The following DST variants were observed in gnomAD, a reference collection of about 807,000 sequenced individuals.
DST encodes dystonin, also known as bullous pemphigoid antigen.
DST carries 253 observed loss-of-function variants against 875.2 expected under a neutral mutation model. The observed-to-expected ratio is 0.29, with a 90% CI of 0.26 to 0.32. The LOEUF is 0.32. DST is among the 10% of genes least tolerant of loss of function. The pLI, the probability that DST is intolerant of heterozygous loss-of-function variation, is 1.00. For missense variants in DST, 8,287 were observed against 9,111.6 expected (o/e 0.91, Z 3.68); for synonymous variants, 3,124 against 3,197.1 (o/e 0.98, Z 0.77).
At chr6:56,917,771 A>T (rs919381261) in intron 2 of DST, among the ~76,000 whole-genome samples, 1 of 152,134 alleles carries the variant, frequency 6.6e-6, no homozygotes, top group South Asian at 2.1e-4. Context: ...CTTCTTTTTC[A>T]TCTTTGTGTC....
At chr6:56,517,433 G>C in intron 70 of DST, 68 bp downstream of exon 70, 1 of 1,597,150 alleles carries the variant, frequency 6.3e-7, no homozygotes, top group South Asian at 1.1e-5. Flanking sequence ...AATCATACAA[G>C]CACATTTTAT....
chr6:56,738,653 G>A (rs1301271081), intron 4 of DST, among the ~76,000 whole-genome samples: 2 of 151,576 alleles, frequency 1.3e-5, no homozygotes, highest in East Asian at 3.9e-4. Flanking sequence ...AGACAGTCTC[G>A]CTCTGTTGCC....
chr6:56,934,560 T>TTATATTATA (rs1554267211), intron 2 of DST, among the ~76,000 whole-genome samples: 100 of 106,478 alleles, frequency 9.4e-4, no homozygotes, highest in African/African-American at 3.5e-3. Context: ...ATATATTATA[T>TTATATTATA]TATATATATA....
At chr6:56,581,312 A>G (rs756621417) in intron 49 of DST, among the ~76,000 whole-genome samples, 1 of 152,078 alleles carries the variant, frequency 6.6e-6, no homozygotes, top group Admixed American at 6.6e-5. Context: ...ATATTTATAT[A>G]TAAGTGATGG....
At chr6:56,527,444 C>T in intron 68 of DST, 49 bp downstream of exon 68, 1 of 1,582,146 alleles carries the variant, frequency 6.3e-7, no homozygotes, top group Non-Finnish European at 8.6e-7. Context: ...GTGAATAAGA[C>T]TGCCTAAAAG....
chr6:56,554,529 T>C (rs1005611424), intron 60 of DST, among the ~76,000 whole-genome samples: 10 of 152,202 alleles, frequency 6.6e-5, no homozygotes, highest in African/African-American at 2.4e-4. Flanking sequence ...CCACTGTAAA[T>C]TGACAATATT....
At chr6:56,495,110 TA>T (rs1243347775) in intron 82 of DST, among the ~76,000 whole-genome samples, 2 of 151,922 alleles carry the variant, frequency 1.3e-5, no homozygotes, top group Admixed American at 6.6e-5. Flanking sequence ...TCTTAAGCTT[TA>T]AAAAAAGCCC....
intron 55 of DST, among the ~76,000 whole-genome samples, chr6:56,567,771 C>G (rs575943663): frequency 5.3e-5 from 8 of 151,976 alleles, no homozygotes; most frequent in Admixed American, 5.2e-4. Context: ...ACTCAGAACT[C>G]TCAGAAAAAA....
chr6:56,617,489 C>G (rs1420224829), intron 36 of DST: 1 of 1,332,698 alleles, frequency 7.5e-7, no homozygotes, highest in Admixed American at 1.7e-5. Context: ...ATTCTCAATC[C>G]AAACATAATT....
chr6:56,858,580 T>C lies in DST; in HGVS notation c.418-6976A>G, dbSNP rs576207577. 1.3e-3 allele frequency among the ~76,000 whole-genome samples: 195 copies of C among 152,354 alleles called. 1 individual carries two copies. The highest frequency in any genetic ancestry group is 2.1e-3 in the Non-Finnish European group (140 of 68,034). ...TGTGTATATATGCCACATTCATTCA[T>C]TCAACTGCTAATGAACACTAAGGTT... On this transcript the variant is annotated intron_variant, in intron 3 of 103. Transcript: ENST00000680361.
chr6:56,637,456 T>C (rs2098836714), intron 22 of DST, among the ~76,000 whole-genome samples: 1 of 152,218 alleles, frequency 6.6e-6, no homozygotes, highest in Non-Finnish European at 1.5e-5. Flanking sequence ...TTTACGGTGC[T>C]AGATCATAAA....
intron 49 of DST, among the ~76,000 whole-genome samples, chr6:56,585,270 G>A (rs1414939297): frequency 6.6e-6 from 1 of 152,178 alleles, no homozygotes; most frequent in Admixed American, 6.5e-5. Flanking sequence ...CACAATTTCA[G>A]AGCCTGTTAT....
At chr6:56,775,724 C>T (rs1010289069) in intron 4 of DST, among the ~76,000 whole-genome samples, 1 of 152,198 alleles carries the variant, frequency 6.6e-6, no homozygotes, top group Non-Finnish European at 1.5e-5. Flanking sequence ...CCTGAAAGAG[C>T]TCCCAATGGC....
intron 4 of DST, among the ~76,000 whole-genome samples, chr6:56,736,144 C>T (rs935146148): frequency 2.0e-5 from 3 of 152,158 alleles, no homozygotes; most frequent in African/African-American, 7.2e-5. Flanking sequence ...CCCACCTTGG[C>T]TTTCCAAAGT....
In DST at chr6:56,800,388, G is replaced by C. The variant is rs933651250; in HGVS notation, c.625+51009C>G. Among the ~76,000 whole-genome samples, 3 of 152,128 alleles carry C rather than the reference G, an allele frequency of 2.0e-5. 1 individual carries two copies. The highest frequency in any genetic ancestry group is 2.0e-4 in the Admixed American group (3 of 15,280). On this transcript the variant is annotated intron_variant, in intron 4 of 103. Coordinates refer to ENST00000680361, the MANE Select transcript of DST (RefSeq NM_001374736.1). Reference sequence around the variant, plus strand: ...TAGTTCATTTTCTTAACTGTACATAGTAATAATTGCCCAACTATACAATCA... The same window carrying C: ...TAGTTCATTTTCTTAACTGTACATACTAATAATTGCCCAACTATACAATCA...
At chr6:56,694,142 G>A (rs2099249389) in intron 9 of DST, among the ~76,000 whole-genome samples, 1 of 149,154 alleles carries the variant, frequency 6.7e-6, no homozygotes. Context: ...GGGCCTTGCT[G>A]GAAAAATAAT....
intron 10 of DST, among the ~76,000 whole-genome samples, chr6:56,660,366 C>T (rs533570393): frequency 6.6e-6 from 1 of 152,282 alleles, no homozygotes; most frequent in South Asian, 2.1e-4. Flanking sequence ...ACAAGCCTCA[C>T]TCCATTCCTA....
At chr6:56,900,342 A>G (rs1793503477) in intron 3 of DST, 79 bp downstream of exon 3, 1 of 1,159,796 alleles carries the variant, frequency 8.6e-7, no homozygotes, top group African/African-American at 1.6e-5. Flanking sequence ...TTAATCTGAT[A>G]ATGTTTTTAA....
intron 2 of DST, among the ~76,000 whole-genome samples, chr6:56,920,230 C>T (rs1482205649): frequency 6.6e-6 from 1 of 152,176 alleles, no homozygotes; most frequent in Non-Finnish European, 1.5e-5. Context: ...TCAGCCTTCC[C>T]CTCCAATATT....
Sources: allele counts gnomAD v4.1 joint callset (sites outside exome capture counted in the v4.1 genomes callset), GRCh38; gene constraint gnomAD v4.1.1; transcripts MANE v1.5; gene names NCBI Gene and HGNC (gene_info 2026-07-23, HGNC 2026-07-21).